The following CCP110 variants were observed in gnomAD, a reference collection of about 807,000 sequenced individuals.
CCP110 encodes centriolar coiled-coil protein 110.
A neutral mutation model predicts 105.5 loss-of-function variants in CCP110; 43 were observed. The observed-to-expected ratio is 0.41, with a 90% CI of 0.32 to 0.53. The LOEUF (loss-of-function observed/expected upper bound fraction) is 0.53, where lower values mean the gene tolerates loss of function less well. Ranked by LOEUF, CCP110 falls within the 20% of genes least tolerant of loss-of-function variation. The pLI is 0.32. For synonymous variants in CCP110, 353 were observed against 392.1 expected (o/e 0.90, Z 1.18); for missense variants, 1,016 against 1,189.1 (o/e 0.85, Z 2.14).
At chr16:19,534,911 C>T (rs963492475) in intron 3 of CCP110, among the ~76,000 whole-genome samples, 3 of 142,002 alleles carry the variant, frequency 2.1e-5, no homozygotes, top group African/African-American at 5.4e-5. Context: ...GATGGAGTCG[C>T]GCTCTGTCGC....
intron 4 of CCP110, among the ~76,000 whole-genome samples, chr16:19,538,271 T>C (rs537198492): frequency 1.3e-5 from 2 of 150,758 alleles, no homozygotes; most frequent in Admixed American, 6.6e-5. Flanking sequence ...CTTGGTATTA[T>C]TGAGAATATT....
At chr16:19,535,637 AAT>A (rs1303744590) in intron 3 of CCP110, among the ~76,000 whole-genome samples, 1 of 152,216 alleles carries the variant, frequency 6.6e-6, no homozygotes, top group African/African-American at 2.4e-5. Flanking sequence ...TGGATATATG[AAT>A]ATATGTGTGT....
intron 9 of CCP110, 94 bp from the exon 10 acceptor site, chr16:19,545,000 C>G (rs1167505136): frequency 3.0e-6 from 3 of 985,688 alleles, no homozygotes; most frequent in Non-Finnish European, 3.1e-6. Context: ...CTATTTTAAT[C>G]TTTTTCTATA....
At chr16:19,542,127 C>T in intron 6 of CCP110, 63 bp downstream of exon 6, 5 of 1,147,468 alleles carry the variant, frequency 4.4e-6, no homozygotes, top group Non-Finnish European at 6.2e-6. Flanking sequence ...ATTTATTTGG[C>T]ACACTATAAG....
intron 3 of CCP110, among the ~76,000 whole-genome samples, chr16:19,535,094 A>G (rs1970004013): frequency 6.6e-6 from 1 of 151,922 alleles, no homozygotes; most frequent in South Asian, 2.1e-4. Flanking sequence ...GTTAGCCAGG[A>G]TGATCTTGAT....
At chr16:19,527,063 G>A (rs1467621327) in intron 1 of CCP110, 1 of 152,116 alleles carries the variant, frequency 6.6e-6, no homozygotes, top group Non-Finnish European at 1.5e-5. Flanking sequence ...TGGTTACCTT[G>A]TATTTTCATA....
At chr16:19,542,791 A>G in intron 7 of CCP110, 31 bp downstream of exon 7, 5 of 1,589,682 alleles carry the variant, frequency 3.1e-6, no homozygotes, top group Non-Finnish European at 3.5e-6. Context: ...ATGTCCATCT[A>G]TCTATTTATC....
chr16:19,552,668 A>G (rs1353217941), exon 15 of CCP110: 3 of 152,176 alleles, frequency 2.0e-5, no homozygotes, highest in Non-Finnish European at 4.4e-5. Context: ...GACAGTGTAT[A>G]TTTAATCTAA....
In CCP110 at chr16:19,536,844, A is replaced by G. The variant is rs1173121462; in HGVS notation, c.1175A>G (p.Asn392Ser). Residue 392 changes from asparagine to serine, a missense_variant, in exon 4 of 15, where the codon AAC becomes AGC. By Grantham distance (46) the Asn-to-Ser change is conservative. Transcript: ENST00000381396. ...TCAGCGTGTCATATACTTATAAATA[A>G]CCCAATAAATGCCTGTGAATTAAGC... The G allele has an allele frequency of 3.7e-6, 6 of 1,613,994 alleles. No homozygotes were observed. The highest frequency in any genetic ancestry group is 5.1e-6 in the Non-Finnish European group (6 of 1,180,026).
At chr16:19,526,218 G>A (rs1969666627) in intron 1 of CCP110, 1 of 152,110 alleles carries the variant, frequency 6.6e-6, no homozygotes, top group African/African-American at 2.4e-5. Flanking sequence ...ATAAAACTAT[G>A]GCCATAAAAG....
intron 2 of CCP110, among the ~76,000 whole-genome samples, chr16:19,529,342 A>AT (rs886982530): frequency 1.1e-4 from 17 of 152,160 alleles, no homozygotes; most frequent in African/African-American, 4.1e-4. Context: ...CTTTAAATTT[A>AT]TTTTTTGGTA....
chr16:19,542,871 C>T lies in CCP110; in HGVS notation c.2368-7C>T, dbSNP rs765908324. On this transcript the variant is annotated splice_polypyrimidine_tract_variant and splice_region_variant and intron_variant, in intron 7 of 14. Transcript: ENST00000381396. ...AATAAACATTGTGTCTGTCTTCTTT[C>T]TCCTAGGTTTTTAGTCTGGAAATAC... is the stretch of plus-strand genomic sequence containing the variant. The T allele has an allele frequency of 2.5e-6, 4 of 1,578,286 alleles. No individual in the cohort carries two copies. The highest frequency in any genetic ancestry group is 1.4e-5 in the African/African-American group (1 of 74,070).
chr16:19,524,578 G>A (rs1420665352), intron 1 of CCP110, among the ~76,000 whole-genome samples: 4 of 152,146 alleles, frequency 2.6e-5, no homozygotes, highest in African/African-American at 9.7e-5. Flanking sequence ...CCACTCTGGG[G>A]CATAAACTTG....
chr16:19,551,771 G>GTAGC (rs35779727), exon 15 of CCP110: 23,295 of 152,424 alleles, frequency 0.15, 1,823 homozygotes, highest in Admixed American at 0.2. Flanking sequence ...GTATAACCAT[G>GTAGC]TAGCCAATTG....
chr16:19,542,756 C>T (rs1970332688), exon 7 of CCP110: 2 of 1,612,870 alleles, frequency 1.2e-6, no homozygotes, highest in Non-Finnish European at 1.7e-6. Flanking sequence ...ACTAGATGGT[C>T]TCAAGTGGGT....
chr16:19,541,170 T>C (rs1172314634), intron 5 of CCP110, among the ~76,000 whole-genome samples: 1 of 151,996 alleles, frequency 6.6e-6, no homozygotes, highest in Non-Finnish European at 1.5e-5. Context: ...GAGGATTGCT[T>C]GAGCCCAGAA....
intron 2 of CCP110, among the ~76,000 whole-genome samples, chr16:19,529,888 CTTAAAAACAGTTTTTTTTATTGG>C (rs1284120926): frequency 6.6e-6 from 1 of 152,134 alleles, no homozygotes; most frequent in Non-Finnish European, 1.5e-5. Flanking sequence ...TACTGTACGT[CTTAAAAACAGTTTTTTTTATTGG>C]TTGAGCATGG....
At chr16:19,542,595 A>G (rs771697808) in intron 6 of CCP110, 26 bp from the exon 7 acceptor site, 5 of 1,538,848 alleles carry the variant, frequency 3.2e-6, no homozygotes, top group Non-Finnish European at 4.5e-6. Flanking sequence ...GACATCAAGT[A>G]TAATACTATA....
Position 19,545,248 on chromosome 16 carries a change from G to T in CCP110, c.2703+38G>T, listed in dbSNP as rs1208092074. 4.1e-6 allele frequency: 5 copies of T among 1,213,942 alleles called. No individual in the cohort carries two copies. The East Asian group carries it at 9.5e-5, about 23-fold the overall frequency. 75.2% of individuals were successfully genotyped at this position (1,213,942 alleles called of 1,614,324 possible). On this transcript the variant is annotated intron_variant, in intron 10 of 14. Transcript: ENST00000381396. ...ATTTCTAATGAATAGAGTTCTTCTGGGTTTAGGGTAATTGATACTAAATGT... is the reference window on the plus strand; with the variant it reads ...ATTTCTAATGAATAGAGTTCTTCTGTGTTTAGGGTAATTGATACTAAATGT...
Sources: gnomAD v4.1 joint callset for allele counts (sites outside exome capture counted in the v4.1 genomes callset) on GRCh38, gnomAD v4.1.1 for gene constraint, MANE v1.5 for transcripts, NCBI Gene and HGNC (gene_info 2026-07-23, HGNC 2026-07-21) for gene names.